The following EDN1 variants were observed in gnomAD, a reference collection of about 807,000 sequenced individuals.
EDN1 encodes endothelin-1.
Under a neutral mutation model 21.7 loss-of-function variants are expected in EDN1, and 11 were observed. The ratio of observed to expected loss-of-function variants is 0.51; its 90% CI spans 0.32 to 0.84. The LOEUF is 0.84. Ranked by LOEUF, EDN1 falls within the 40% of genes least tolerant of loss-of-function variation. The pLI is 0.03. For synonymous variants in EDN1, 85 were observed against 90.6 expected (o/e 0.94, Z 0.35); for missense variants, 244 against 262.3 (o/e 0.93, Z 0.48).
At chr6:12,286,952 G>GA (rs1349719740), upstream of EDN1, among the ~76,000 whole-genome samples, 1 of 151,878 alleles carries the variant, frequency 6.6e-6, no homozygotes, top group African/African-American at 2.4e-5. Context: ...CTATCTCTAC[G>GA]AAAAAATTTT....
intron 3 of EDN1, 33 bp downstream of exon 3, chr6:12,294,129 T>G (rs1762762537): frequency 6.2e-7 from 1 of 1,614,002 alleles, no homozygotes; most frequent in Admixed American, 1.7e-5. Context: ...TTCAATCAGT[T>G]TAACAGCCTC....
At chr6:12,261,672 T>C in the EDN1 span, among the ~76,000 whole-genome samples, 10 of 152,216 alleles carry the variant, frequency 6.6e-5, no homozygotes, top group African/African-American at 2.4e-4. Context: ...GATGAGTAGA[T>C]GCACGTTGAG....
the EDN1 span, among the ~76,000 whole-genome samples, chr6:12,261,314 G>C: frequency 2.6e-5 from 4 of 152,236 alleles, no homozygotes; most frequent in African/African-American, 9.6e-5. Context: ...AGAGCCAACA[G>C]AGTCTGCTTT....
chr6:12,256,386 C>T, the EDN1 span, among the ~76,000 whole-genome samples: 1 of 151,894 alleles, frequency 6.6e-6, no homozygotes, highest in Non-Finnish European at 1.5e-5. Context: ...CAAAAGACCC[C>T]CCGCCCCCTA....
chr6:12,285,667 G>A (rs1254757294), upstream of EDN1, among the ~76,000 whole-genome samples: 8 of 152,240 alleles, frequency 5.3e-5, no homozygotes, highest in East Asian at 1.5e-3. Flanking sequence ...TGCCTCCCGG[G>A]TTCAATGATT....
At chr6:12,239,363 C>A in the EDN1 span, among the ~76,000 whole-genome samples, 318 of 152,272 alleles carry the variant, frequency 2.1e-3, 1 homozygote, top group African/African-American at 7.4e-3. Flanking sequence ...CCTCAAAATG[C>A]TAGCTAGGTC....
At position 12,292,378 on chromosome 6, in the gene EDN1, C is replaced by A. The variant is rs1263267835; in HGVS notation, c.102C>A (p.Asn34Lys). 5 of 1,613,858 alleles carry A rather than the reference C, an allele frequency of 3.1e-6. No individual in the cohort carries two copies. The South Asian group carries it at 5.5e-5, about 18-fold the overall frequency. The change falls in exon 2 of 5, where the codon AAC (asparagine) becomes AAA (lysine). Residue 34 changes from asparagine (N) to lysine (K), a missense_variant. Physicochemically the swap from Asn to Lys is moderately conservative, Grantham distance 94. Transcript: ENST00000379375. Reference protein sequence around the residue: ...LGAELSAVGENGGEKPTPSPP... With the variant: ...LGAELSAVGEKGGEKPTPSPP... ...CTGAGCTCAGCGCGGTGGGTGAGAA[C>A]GGCGGGGAGAAACCCACTCCCAGTC...
In EDN1 at chr6:12,293,256, C is replaced by A. The variant is rs541185461; in HGVS notation, c.234-685C>A. On this transcript the variant is annotated intron_variant, in intron 2 of 4. Transcript: ENST00000379375. ...CCAAAATCCAAACAATATCAAACCA[C>A]ACCAAAAACCACAAGGAGCCTAATA... Among the ~76,000 whole-genome samples, 4 of 152,332 alleles carry A rather than the reference C, an allele frequency of 2.6e-5. No individual in the cohort carries two copies. The East Asian group carries it at 7.7e-4, about 29-fold the overall frequency.
At chr6:12,281,083 C>G in the EDN1 span, among the ~76,000 whole-genome samples, 1 of 152,188 alleles carries the variant, frequency 6.6e-6, no homozygotes, top group East Asian at 1.9e-4. Flanking sequence ...AGGAAGAGCT[C>G]GTGTGCTCAG....
the EDN1 span, among the ~76,000 whole-genome samples, chr6:12,264,441 G>T: frequency 2.8e-4 from 43 of 152,200 alleles, 1 homozygote; most frequent in Non-Finnish European, 7.3e-5. Flanking sequence ...ATATATAAGA[G>T]AATATTATTT....
At chr6:12,253,877 T>C in the EDN1 span, among the ~76,000 whole-genome samples, 1 of 152,146 alleles carries the variant, frequency 6.6e-6, no homozygotes, top group African/African-American at 2.4e-5. Context: ...CTACCGCCCG[T>C]GACGTTTTGT....
the EDN1 span, among the ~76,000 whole-genome samples, chr6:12,243,032 T>C: frequency 3.9e-5 from 6 of 152,278 alleles, no homozygotes; most frequent in East Asian, 1.2e-3. Flanking sequence ...AATCCACAGA[T>C]AACTTTTGAT....
the EDN1 span, among the ~76,000 whole-genome samples, chr6:12,269,961 T>G: frequency 6.6e-6 from 1 of 152,066 alleles, no homozygotes; most frequent in East Asian, 1.9e-4. Flanking sequence ...TGGGAGATGT[T>G]TTATTATTGA....
the EDN1 span, among the ~76,000 whole-genome samples, chr6:12,267,144 A>G: frequency 6.6e-6 from 1 of 152,254 alleles, no homozygotes; most frequent in East Asian, 1.9e-4. Flanking sequence ...GTTTGTAGCA[A>G]CCTTGCATTG....
chr6:12,295,931 A>G (rs1211518777), intron 4 of EDN1, 31 bp from the exon 5 acceptor site: 1 of 1,605,256 alleles, frequency 6.2e-7, no homozygotes, highest in Non-Finnish European at 8.5e-7. Context: ...TTTTAAAATA[A>G]CATTTGTTTT....
chr6:12,241,628 G>GT, the EDN1 span, among the ~76,000 whole-genome samples: 1 of 152,160 alleles, frequency 6.6e-6, no homozygotes, highest in Non-Finnish European at 1.5e-5. Context: ...TTGCTCTATG[G>GT]TAAGTGGAAT....
chr6:12,282,381 A>G, the EDN1 span, among the ~76,000 whole-genome samples: 1 of 152,246 alleles, frequency 6.6e-6, no homozygotes. Flanking sequence ...CTAATCTTGA[A>G]ACTGTTTGGA....
At chr6:12,247,037 G>T in the EDN1 span, among the ~76,000 whole-genome samples, 3 of 152,162 alleles carry the variant, frequency 2.0e-5, no homozygotes, top group Non-Finnish European at 2.9e-5. Flanking sequence ...GAAATATTTT[G>T]TAAACTATGA....
the EDN1 span, among the ~76,000 whole-genome samples, chr6:12,257,825 G>T: frequency 6.6e-6 from 1 of 152,090 alleles, no homozygotes; most frequent in East Asian, 1.9e-4. Context: ...ATGTAAAAAG[G>T]CTGCTCGAAC....
Sources: gnomAD v4.1 joint callset for allele counts (sites outside exome capture counted in the v4.1 genomes callset) on GRCh38, gnomAD v4.1.1 for gene constraint, MANE v1.5 for transcripts, NCBI Gene and HGNC (gene_info 2026-07-23, HGNC 2026-07-21) for gene names.